Variants in MLLT10 observed in about 807,000 individuals in gnomAD.
MLLT10 encodes protein AF-10.
Under a neutral mutation model 129.1 loss-of-function variants are expected in MLLT10, and 30 were observed. That is an observed-to-expected ratio of 0.23 (90% CI 0.17 to 0.32). MLLT10 has a LOEUF of 0.32. MLLT10 is among the 10% of genes least tolerant of loss of function. The pLI, the probability that MLLT10 is intolerant of heterozygous loss-of-function variation, is 1.00. For synonymous variants in MLLT10, 490 were observed against 446.4 expected (o/e 1.10, Z -1.23); for missense variants, 1,119 against 1,268.3 (o/e 0.88, Z 1.79).
intron 3 of MLLT10, chr10:21,556,577 G>A: frequency 3.1e-6 from 4 of 1,285,092 alleles, no homozygotes; most frequent in Non-Finnish European, 4.3e-6. Flanking sequence ...CAGTTTTCTA[G>A]GGCAGGTGAG....
At chr10:21,698,901 G>C (rs1260288999) in intron 13 of MLLT10, among the ~76,000 whole-genome samples, 1 of 152,186 alleles carries the variant, frequency 6.6e-6, no homozygotes, top group East Asian at 1.9e-4. Context: ...TTGAGACGGA[G>C]TCTTGCTCTT....
chr10:21,630,514 T>C (rs1453210678), intron 8 of MLLT10, among the ~76,000 whole-genome samples: 4 of 152,174 alleles, frequency 2.6e-5, no homozygotes, highest in Non-Finnish European at 4.4e-5. Context: ...CTTTTCAAGG[T>C]TGTTTATGTT....
intron 9 of MLLT10, among the ~76,000 whole-genome samples, chr10:21,668,098 G>A (rs764836027): frequency 4.6e-5 from 7 of 152,078 alleles, no homozygotes; most frequent in Non-Finnish European, 1.0e-4. Flanking sequence ...ACATTTTTCA[G>A]TAGAGCACCA....
At chr10:21,688,327 G>A (rs1472918576) in intron 13 of MLLT10, among the ~76,000 whole-genome samples, 1 of 152,052 alleles carries the variant, frequency 6.6e-6, no homozygotes, top group African/African-American at 2.4e-5. Flanking sequence ...TTAGAGCACT[G>A]CAATTTTTTA....
At chr10:21,618,313 T>C (rs1353732719) in intron 8 of MLLT10, among the ~76,000 whole-genome samples, 5 of 151,864 alleles carry the variant, frequency 3.3e-5, no homozygotes, top group African/African-American at 1.2e-4. Context: ...CTGGCCAACA[T>C]GGTGAAACTG....
chr10:21,717,737 T>TTCC lies in MLLT10; in HGVS notation c.1878+3796_1878+3798dup, dbSNP rs1347647776. Among the ~76,000 whole-genome samples, 12 of 19,034 alleles carry TTCC rather than the reference T, an allele frequency of 6.3e-4. 1 individual carries two copies. The highest frequency in any genetic ancestry group is 2.2e-3 in the South Asian group (1 of 446). The allele number at this position is 19,034 out of a possible 152,430, so 12.5% of individuals were successfully genotyped here. On this transcript the variant is annotated intron_variant, in intron 14 of 22. Transcript: ENST00000307729. ...CCTCTTCCTCCTCCTCCTCCTCCTC[T>TTCC]TCCTCCTCCTCTTCCTCCTCCTCCT... is the stretch of plus-strand genomic sequence containing the variant.
At chr10:21,536,362 TGAATTTCTTATGAATTG>T (rs1392756421) in intron 2 of MLLT10, among the ~76,000 whole-genome samples, 1 of 152,210 alleles carries the variant, frequency 6.6e-6, no homozygotes, top group Non-Finnish European at 1.5e-5. Flanking sequence ...TGAAGGCCAA[TGAATTTCTTATGAATTG>T]GAATTTCTTA....
intron 3 of MLLT10, among the ~76,000 whole-genome samples, chr10:21,569,492 C>T (rs1022540098): frequency 4.0e-5 from 6 of 151,436 alleles, no homozygotes; most frequent in African/African-American, 1.5e-4. Context: ...GTGATCTCGG[C>T]TCACTGCAAA....
At chr10:21,731,846 G>A (rs1027686718) in intron 17 of MLLT10, among the ~76,000 whole-genome samples, 2 of 152,040 alleles carry the variant, frequency 1.3e-5, no homozygotes, top group African/African-American at 2.4e-5. Context: ...CATCATTTTC[G>A]AGTATAAACT....
intron 5 of MLLT10, among the ~76,000 whole-genome samples, chr10:21,608,132 A>G (rs1003983311): frequency 1.3e-4 from 19 of 142,946 alleles, no homozygotes; most frequent in African/African-American, 4.4e-4. Flanking sequence ...GTGGCAGGTC[A>G]TTTTTCTTGT....
At chr10:21,553,790 T>C (rs1271403678) in intron 3 of MLLT10, among the ~76,000 whole-genome samples, 1 of 151,794 alleles carries the variant, frequency 6.6e-6, no homozygotes, top group East Asian at 1.9e-4. Flanking sequence ...GCTGAGATTA[T>C]AGGCATGCGC....
intron 8 of MLLT10, among the ~76,000 whole-genome samples, chr10:21,638,383 G>T (rs2047661544): frequency 1.3e-5 from 2 of 151,734 alleles, no homozygotes; most frequent in Non-Finnish European, 2.9e-5. Flanking sequence ...AGATGTCCAG[G>T]CAGTAGTGAA....
At chr10:21,575,109 ATTTC>A (rs2040597438) in intron 3 of MLLT10, among the ~76,000 whole-genome samples, 1 of 151,648 alleles carries the variant, frequency 6.6e-6, no homozygotes, top group Non-Finnish European at 1.5e-5. Flanking sequence ...CATTTTTACT[ATTTC>A]TTTTTTCTAC....
intron 11 of MLLT10, among the ~76,000 whole-genome samples, chr10:21,680,456 C>T (rs1189346217): frequency 6.6e-6 from 1 of 152,026 alleles, no homozygotes; most frequent in Non-Finnish European, 1.5e-5. Context: ...CCGCCTTGGC[C>T]TCTCAAAGTG....
At position 21,705,120 on chromosome 10, in the gene MLLT10, G is replaced by C. The variant is rs755550267; in HGVS notation, c.1700-8652G>C. On this transcript the variant is annotated intron_variant, in intron 13 of 22. Coordinates refer to ENST00000307729, the MANE Select transcript of MLLT10 (RefSeq NM_001195626.3). ...CGGTTCTCGGGTCTGCAGCCAGCCA[G>C]TGTGGTGTGCGAAGACGGTGGCAGT... 5.8e-4 allele frequency among the ~76,000 whole-genome samples: 88 copies of C among 152,182 alleles called. 1 individual carries two copies. Among genetic ancestry groups the C allele is most frequent in the Non-Finnish European group, 1.1e-3 (74 of 68,028 alleles).
intron 3 of MLLT10, among the ~76,000 whole-genome samples, chr10:21,544,209 A>G (rs2035712751): frequency 6.6e-6 from 1 of 152,180 alleles, no homozygotes. Context: ...TTACCTCTTA[A>G]CCACCATGTT....
Position 21,547,621 on chromosome 10 carries a change from A to G in MLLT10, c.240+8709A>G, listed in dbSNP as rs958351009. 5.3e-5 allele frequency among the ~76,000 whole-genome samples: 8 copies of G among 151,374 alleles called. No individual in the cohort carries two copies. In the East Asian group the frequency reaches 7.8e-4, roughly 15 times the overall value. Reference sequence around the variant, plus strand: ...CTGCAACCTCCGCCTTTCATGTTCAAGTGATTCTCATGGGTTCAGCGATTC... The same window carrying G: ...CTGCAACCTCCGCCTTTCATGTTCAGGTGATTCTCATGGGTTCAGCGATTC... On this transcript the variant is annotated intron_variant, in intron 3 of 22. Coordinates refer to ENST00000307729, the MANE Select transcript of MLLT10 (RefSeq NM_001195626.3).
At chr10:21,567,905 C>T (rs1383767820) in intron 3 of MLLT10, among the ~76,000 whole-genome samples, 3 of 151,724 alleles carry the variant, frequency 2.0e-5, no homozygotes, top group East Asian at 1.9e-4. Context: ...CTGCAACCTC[C>T]GCCTCCCGAG....
intron 8 of MLLT10, among the ~76,000 whole-genome samples, chr10:21,646,356 A>G (rs765961126): frequency 2.0e-5 from 3 of 152,138 alleles, no homozygotes; most frequent in Admixed American, 6.5e-5. Context: ...CCTTGAAACT[A>G]TTTGGTAATG....
Sources: allele counts gnomAD v4.1 joint callset (sites outside exome capture counted in the v4.1 genomes callset), GRCh38; gene constraint gnomAD v4.1.1; transcripts MANE v1.5; gene names NCBI Gene and HGNC (gene_info 2026-07-23, HGNC 2026-07-21).